Variants in KCNIP3 observed in about 807,000 individuals in gnomAD.
KCNIP3 encodes potassium voltage-gated channel interacting protein 3, also known as calsenilin.
In KCNIP3, 28 loss-of-function variants were observed where a neutral mutation model predicts 35.0. The ratio of observed to expected loss-of-function variants is 0.80; its 90% CI spans 0.59 to 1.10. The LOEUF is 1.10. KCNIP3 is among the 50% of genes least tolerant of loss of function. The probability of loss-of-function intolerance (pLI) is 0.00; values close to 1 mark genes in which losing one functional copy is unlikely to be tolerated. For missense variants in KCNIP3, 295 were observed against 338.4 expected, an observed-to-expected ratio of 0.87 and a Z score of 1.01; for synonymous variants, 134 against 133.8, an observed-to-expected ratio of 1.00 and a Z score of -0.01.
chr2:95,367,176 G>A (rs1312337648), intron 2 of KCNIP3, among the ~76,000 whole-genome samples: 1 of 152,092 alleles, frequency 6.6e-6, no homozygotes, highest in Non-Finnish European at 1.5e-5. Flanking sequence ...GGGAGACTGA[G>A]GCAGGAGAAT....
intron 1 of KCNIP3, among the ~76,000 whole-genome samples, chr2:95,308,474 G>A (rs923873243): frequency 6.6e-6 from 1 of 152,192 alleles, no homozygotes; most frequent in Non-Finnish European, 1.5e-5. Flanking sequence ...CTGACTAGTG[G>A]GCCAGCTGCC....
intron 2 of KCNIP3, among the ~76,000 whole-genome samples, chr2:95,325,844 TACACACATACACTCACAG>T (rs889781369): frequency 2.9e-4 from 16 of 55,360 alleles, no homozygotes; most frequent in Middle Eastern, 9.4e-3. Context: ...TACACACTCA[TACACACATACACTCACAG>T]GCACACATAC....
intron 2 of KCNIP3, among the ~76,000 whole-genome samples, chr2:95,371,447 G>A (rs187648593): frequency 1.3e-4 from 20 of 152,304 alleles, no homozygotes; most frequent in Admixed American, 6.5e-5. Context: ...AAGAGTCTGT[G>A]TTCCAGCATC....
At chr2:95,304,788 C>T (rs955992097) in intron 1 of KCNIP3, among the ~76,000 whole-genome samples, 5 of 152,184 alleles carry the variant, frequency 3.3e-5, no homozygotes, top group African/African-American at 7.2e-5. Context: ...GCATCACCCA[C>T]GCCATCTTTT....
At chr2:95,350,308 A>G (rs1470824275) in intron 2 of KCNIP3, among the ~76,000 whole-genome samples, 1 of 152,102 alleles carries the variant, frequency 6.6e-6, no homozygotes, top group Non-Finnish European at 1.5e-5. Context: ...CCCTTAAGAT[A>G]CTGGGTATCT....
At chr2:95,308,625 C>T (rs1353797174) in intron 1 of KCNIP3, among the ~76,000 whole-genome samples, 1 of 152,182 alleles carries the variant, frequency 6.6e-6, no homozygotes, top group African/African-American at 2.4e-5. Flanking sequence ...GCCTTTGCAG[C>T]AGCAGCAGAG....
intron 2 of KCNIP3, 150 bp downstream of exon 2, chr2:95,310,670 C>A: frequency 1.2e-6 from 1 of 805,510 alleles, no homozygotes; most frequent in Non-Finnish European, 2.0e-6. Flanking sequence ...CATTCATTCA[C>A]ACCCTTCCCC....
chr2:95,381,479 C>T (rs1680340996), intron 5 of KCNIP3, 117 bp from the exon 6 acceptor site: 2 of 716,252 alleles, frequency 2.8e-6, no homozygotes, highest in South Asian at 1.7e-5. Flanking sequence ...CCGTCAGTCT[C>T]TTAGGGAGGC....
intron 5 of KCNIP3, among the ~76,000 whole-genome samples, chr2:95,380,707 C>G (rs1284836537): frequency 2.0e-5 from 3 of 152,216 alleles, no homozygotes; most frequent in Non-Finnish European, 4.4e-5. Flanking sequence ...CATGTCATGA[C>G]TCAAGAGTTG....
At chr2:95,379,602 G>A (rs1680287293) in intron 5 of KCNIP3, among the ~76,000 whole-genome samples, 1 of 152,242 alleles carries the variant, frequency 6.6e-6, no homozygotes, top group African/African-American at 2.4e-5. Context: ...GAGGATGTGA[G>A]CTGTAACTTT....
At chr2:95,366,048 C>G (rs1679909216) in intron 2 of KCNIP3, among the ~76,000 whole-genome samples, 1 of 151,988 alleles carries the variant, frequency 6.6e-6, no homozygotes, top group African/African-American at 2.4e-5. Context: ...GTAGTGTGAT[C>G]CTAGCTCATG....
In KCNIP3 at chr2:95,329,862, C is replaced by A. The variant is rs577586625; in HGVS notation, c.181+19342C>A. 2.0e-5 allele frequency among the ~76,000 whole-genome samples: 3 copies of A among 152,364 alleles called. No individual in the cohort carries two copies. In the East Asian group the frequency reaches 5.8e-4, roughly 29 times the overall value. The stretch of plus-strand genomic sequence containing the variant: ...CTTTCTTAAAAACAGCTCTTCCCTG[C>A]GCGTCTTTAATAATTCAACTCCTAA... On this transcript the variant is annotated intron_variant, in intron 2 of 8. Coordinates refer to ENST00000295225, the MANE Select transcript of KCNIP3 (RefSeq NM_013434.5).
chr2:95,341,022 C>T (rs1010077971), intron 2 of KCNIP3, among the ~76,000 whole-genome samples: 16 of 152,174 alleles, frequency 1.1e-4, no homozygotes, highest in African/African-American at 3.9e-4. Context: ...TTCTGTGCGG[C>T]CCCTGGGGGT....
In KCNIP3 at chr2:95,382,448, C is replaced by T. The variant is rs370900651; in HGVS notation, c.627C>T (p.Asp209=). 4.0e-5 allele frequency: 64 copies of T among 1,608,854 alleles called. No homozygotes were observed. Among genetic ancestry groups the T allele is most frequent in the Middle Eastern group, 1.6e-4 (1 of 6,070 alleles). The change falls in exon 7 of 9, where the codon GAC becomes GAT. Residue 209 remains aspartate, a synonymous_variant. Transcript: ENST00000295225. The surrounding 1 kb of genome is among the most constrained non-coding windows in gnomAD (Gnocchi z 4.5). ...GRHTYPILRE[D]APAEHVERFF... is the part of the protein sequence containing the mutation. ...ACACCTACCCCATCCTGCGGGAGGA[C>T]GCGCCGGCGGAGCACGTGGAGAGGT... is the stretch of plus-strand genomic sequence containing the variant.
chr2:95,362,929 A>C (rs1679836178), intron 2 of KCNIP3, among the ~76,000 whole-genome samples: 1 of 152,204 alleles, frequency 6.6e-6, no homozygotes, highest in Non-Finnish European at 1.5e-5. Flanking sequence ...CTGCATTCTC[A>C]TGCTAATTTA....
At position 95,378,135 on chromosome 2, in the gene KCNIP3, A is replaced by C. The variant is rs754933492; in HGVS notation, c.447+2927A>C. ...ATAACAATGTTTCTCCTTGTTTTTTAATTTTTATTTTTTTTGTTTTATTTT... is the reference window on the plus strand; with the variant it reads ...ATAACAATGTTTCTCCTTGTTTTTTCATTTTTATTTTTTTTGTTTTATTTT... On this transcript the variant is annotated intron_variant, in intron 5 of 8. Coordinates refer to ENST00000295225, the MANE Select transcript of KCNIP3 (RefSeq NM_013434.5). The surrounding 1 kb of genome is among the most constrained non-coding windows in gnomAD (Gnocchi z 4.0). Among the ~76,000 whole-genome samples, 6 of 151,968 alleles carry C rather than the reference A, an allele frequency of 3.9e-5. No homozygotes were observed. Among genetic ancestry groups the C allele is most frequent in the Non-Finnish European group, 8.8e-5 (6 of 67,976 alleles).
intron 2 of KCNIP3, among the ~76,000 whole-genome samples, chr2:95,340,331 C>A (rs1679165864): frequency 7.8e-6 from 1 of 127,484 alleles, no homozygotes. Context: ...GGTGAAACTC[C>A]ATCTCAAAAA....
At chr2:95,310,214 C>A in intron 1 of KCNIP3, 141 bp from the exon 2 acceptor site, 1 of 951,054 alleles carries the variant, frequency 1.1e-6, no homozygotes, top group Non-Finnish European at 1.7e-6. Context: ...GGACAAGGGG[C>A]ACTAGGCATG....
chr2:95,352,374 T>C (rs1192178832), intron 2 of KCNIP3, among the ~76,000 whole-genome samples: 1 of 151,796 alleles, frequency 6.6e-6, no homozygotes, highest in Non-Finnish European at 1.5e-5. Context: ...ACTGGAGAGC[T>C]GTGTCCTGGA....
Sources: gnomAD v4.1 joint callset for allele counts (sites outside exome capture counted in the v4.1 genomes callset) on GRCh38, gnomAD v4.1.1 for gene constraint, Gnocchi (gnomAD v3.1) non-coding constraint, MANE v1.5 for transcripts, NCBI Gene and HGNC (gene_info 2026-07-23, HGNC 2026-07-21) for gene names.